DLC1: variants seen among roughly 807,000 people sequenced by gnomAD.
The protein encoded by DLC1 is DLC1 Rho GTPase activating protein.
A neutral mutation model predicts 140.3 loss-of-function variants in DLC1; 54 were observed. That is an observed-to-expected ratio of 0.38 (90% confidence interval 0.31 to 0.48). DLC1 has a LOEUF of 0.48. DLC1 is among the 20% of genes least tolerant of loss of function. The pLI, the probability that DLC1 is intolerant of heterozygous loss-of-function variation, is 0.96. For missense variants in DLC1, 2,536 were observed against 1,907.0 expected, an observed-to-expected ratio of 1.33 and a Z score of -6.14; for synonymous variants, 986 against 728.1, an observed-to-expected ratio of 1.35 and a Z score of -5.70.
intron 2 of DLC1, among the ~76,000 whole-genome samples, chr8:13,446,219 C>A (rs1333123393): frequency 2.0e-5 from 3 of 152,190 alleles, no homozygotes; most frequent in Non-Finnish European, 4.4e-5. Context: ...CTTATGGTAT[C>A]ACTCAGGCAA....
chr8:13,497,074 A>G (rs187238463), intron 2 of DLC1, among the ~76,000 whole-genome samples: 3 of 152,230 alleles, frequency 2.0e-5, no homozygotes, highest in East Asian at 1.9e-4. Context: ...TGCTGGGATT[A>G]CAGGCATGAG....
chr8:13,506,668 T>G (rs1338825798), intron 1 of DLC1, among the ~76,000 whole-genome samples: 1 of 151,232 alleles, frequency 6.6e-6, no homozygotes, highest in Non-Finnish European at 1.5e-5. Context: ...TGCATATGTA[T>G]GTATATAAAT....
At chr8:13,250,952 G>T (rs1026566359) in intron 5 of DLC1, among the ~76,000 whole-genome samples, 1 of 152,196 alleles carries the variant, frequency 6.6e-6, no homozygotes, top group African/African-American at 2.4e-5. Context: ...GTGCATTGCT[G>T]TGTAAGTCTA....
intron 1 of DLC1, among the ~76,000 whole-genome samples, chr8:13,534,989 T>C (rs1236395543): frequency 6.6e-6 from 1 of 152,124 alleles, no homozygotes; most frequent in Non-Finnish European, 1.5e-5. Flanking sequence ...GGAGAATCCT[T>C]ATCTCTCGCT....
chr8:13,270,765 T>A (rs1830899048), intron 5 of DLC1, among the ~76,000 whole-genome samples: 1 of 152,130 alleles, frequency 6.6e-6, no homozygotes, highest in African/African-American at 2.4e-5. Flanking sequence ...TTGAACCACT[T>A]TTGCCCAAAA....
intron 2 of DLC1, among the ~76,000 whole-genome samples, chr8:13,493,956 A>G (rs1232034411): frequency 1.3e-5 from 2 of 152,192 alleles, no homozygotes. Context: ...TTTGATTTTT[A>G]TCAGTCATAG....
intron 5 of DLC1, among the ~76,000 whole-genome samples, chr8:13,216,293 C>A (rs981433551): frequency 1.3e-5 from 2 of 152,184 alleles, no homozygotes; most frequent in Non-Finnish European, 2.9e-5. Context: ...CAATTATTTT[C>A]ATTTGACAGA....
chr8:13,480,000 G>C (rs1336086523), intron 2 of DLC1, among the ~76,000 whole-genome samples: 21 of 151,886 alleles, frequency 1.4e-4, no homozygotes, highest in Non-Finnish European at 1.9e-4. Context: ...CAGGAGGTGG[G>C]GGCTGCAGTG....
chr8:13,237,410 T>C (rs901012827), intron 5 of DLC1, among the ~76,000 whole-genome samples: 1 of 151,630 alleles, frequency 6.6e-6, no homozygotes, highest in Non-Finnish European at 1.5e-5. Context: ...TGAACTTCAG[T>C]TAAATGAGTT....
chr8:13,270,137 C>A (rs541160215), intron 5 of DLC1, among the ~76,000 whole-genome samples: 10 of 151,824 alleles, frequency 6.6e-5, no homozygotes, highest in African/African-American at 2.2e-4. Context: ...AAATAGAGAA[C>A]TTCCAGAGGA....
At chr8:13,443,978 A>G (rs1046723219) in intron 2 of DLC1, among the ~76,000 whole-genome samples, 1 of 152,212 alleles carries the variant, frequency 6.6e-6, no homozygotes. Context: ...TCCACAAAGC[A>G]TTGTATGAAT....
At chr8:13,567,266 A>G (rs1270762226) in intron 1 of DLC1, 46 of 1,551,664 alleles carry the variant, frequency 3.0e-5, no homozygotes, top group Non-Finnish European at 3.6e-5. Context: ...AACTACCTCA[A>G]GCTCAAAGAC....
At position 13,085,709 on chromosome 8, in the gene DLC1, T is replaced by G; in HGVS notation, c.*102A>C. 6.5e-7 allele frequency: 1 copy of G among 1,530,492 alleles called. No individual in the cohort carries two copies. Among genetic ancestry groups the G allele is most frequent in the Non-Finnish European group, 8.8e-7 (1 of 1,136,538 alleles). 94.8% of individuals were successfully genotyped at this position (1,530,492 alleles called of 1,614,324 possible). ...AATTCCTACACTCCAGCTTGTAGTT[T>G]TCTTTGTTTCAGGATTAGACACAGA... is the stretch of plus-strand genomic sequence containing the variant. On this transcript the variant is annotated 3_prime_UTR_variant, in exon 18 of 18. Coordinates refer to ENST00000276297, the MANE Select transcript of DLC1 (RefSeq NM_182643.3).
intron 2 of DLC1, among the ~76,000 whole-genome samples, chr8:13,448,745 T>C (rs903189287): frequency 6.6e-6 from 1 of 152,204 alleles, no homozygotes; most frequent in African/African-American, 2.4e-5. Flanking sequence ...TGTTCAGTGC[T>C]TAATTTTGCC....
At chr8:13,265,043 C>G (rs147357608) in intron 5 of DLC1, among the ~76,000 whole-genome samples, 9 of 152,274 alleles carry the variant, frequency 5.9e-5, no homozygotes, top group Admixed American at 6.5e-5. Flanking sequence ...CTTCAGAGCT[C>G]AATTTGTACA....
chr8:13,424,051 T>A (rs1020014462), intron 2 of DLC1, among the ~76,000 whole-genome samples: 13 of 152,232 alleles, frequency 8.5e-5, no homozygotes. Flanking sequence ...GTCTTTATTC[T>A]ATTTAATGGA....
intron 4 of DLC1, among the ~76,000 whole-genome samples, chr8:13,320,239 T>C (rs759022509): frequency 1.3e-5 from 2 of 152,214 alleles, no homozygotes; most frequent in Non-Finnish European, 2.9e-5. Context: ...AATGCTGCTT[T>C]ATTATCTTAA....
chr8:13,488,789 T>G (rs1801095052), intron 2 of DLC1, among the ~76,000 whole-genome samples: 1 of 152,246 alleles, frequency 6.6e-6, no homozygotes, highest in African/African-American at 2.4e-5. Context: ...TAGTTATTTG[T>G]GTGTTACATT....
At chr8:13,151,936 C>T (rs1046418177) in intron 5 of DLC1, among the ~76,000 whole-genome samples, 4 of 152,142 alleles carry the variant, frequency 2.6e-5, no homozygotes, top group Non-Finnish European at 4.4e-5. Context: ...TGCATTCAGA[C>T]CCTGTTCCTG....
Sources: allele counts gnomAD v4.1 joint callset (sites outside exome capture counted in the v4.1 genomes callset), GRCh38; gene constraint gnomAD v4.1.1; transcripts MANE v1.5; gene names NCBI Gene and HGNC (gene_info 2026-07-23, HGNC 2026-07-21).